CAPRIN1: variants seen among roughly 807,000 people sequenced by gnomAD.
CAPRIN1 encodes the protein caprin-1.
Under a neutral mutation model 100.9 loss-of-function variants are expected in CAPRIN1, and 29 were observed. The ratio of observed to expected loss-of-function variants is 0.29; its 90% CI spans 0.21 to 0.39. CAPRIN1 has a LOEUF of 0.39. Among genes scored for constraint, CAPRIN1 ranks in the 10% least tolerant of loss-of-function variants. CAPRIN1 has a pLI of 1.00. For missense variants in CAPRIN1, 795 were observed against 876.7 expected, an observed-to-expected ratio of 0.91 and a Z score of 1.18; for synonymous variants, 338 against 307.5, an observed-to-expected ratio of 1.10 and a Z score of -1.04.
intron 2 of CAPRIN1, among the ~76,000 whole-genome samples, chr11:34,059,691 C>T (rs1437022969): frequency 6.6e-6 from 1 of 152,144 alleles, no homozygotes; most frequent in Admixed American, 6.6e-5. Context: ...CAAATCATTA[C>T]ATAGAAATAT....
chr11:34,097,429 A>T (rs553809953), intron 17 of CAPRIN1, 133 bp downstream of exon 17: 4 of 790,604 alleles, frequency 5.1e-6, no homozygotes, highest in Non-Finnish European at 8.2e-6. Flanking sequence ...CTGTTGAAAC[A>T]AAAGCTTTTA....
chr11:34,056,986 T>C (rs568143735), intron 2 of CAPRIN1, among the ~76,000 whole-genome samples: 3 of 152,348 alleles, frequency 2.0e-5, no homozygotes, highest in South Asian at 2.1e-4. Flanking sequence ...AAAAGAATGC[T>C]GTTGTTGTGA....
At chr11:34,096,432 G>A (rs1185867601) in intron 15 of CAPRIN1, 47 bp from the exon 16 acceptor site, 3 of 1,420,194 alleles carry the variant, frequency 2.1e-6, no homozygotes, top group Non-Finnish European at 3.0e-6. Flanking sequence ...GAGAACAAAC[G>A]GTAATGAGCT....
chr11:34,065,624 G>C (rs1165305531), intron 2 of CAPRIN1, among the ~76,000 whole-genome samples: 1 of 152,230 alleles, frequency 6.6e-6, no homozygotes, highest in African/African-American at 2.4e-5. Flanking sequence ...ATATATAATA[G>C]TGAAACAAAG....
At chr11:34,072,970 T>TA (rs1462363281) in intron 4 of CAPRIN1, among the ~76,000 whole-genome samples, 6 of 152,322 alleles carry the variant, frequency 3.9e-5, no homozygotes, top group Non-Finnish European at 5.9e-5. Context: ...TAGGAGCTAA[T>TA]ATGCTATACC....
intron 7 of CAPRIN1, 140 bp downstream of exon 7, chr11:34,079,905 G>GTTTTTTTTTT (rs377455073): frequency 1.3e-5 from 4 of 316,642 alleles, no homozygotes; most frequent in African/African-American, 1.2e-4. Flanking sequence ...GCATGACAAA[G>GTTTTTTTTTT]TTTTTTTTTT....
At chr11:34,093,529 T>C (rs1851304477) in intron 15 of CAPRIN1, among the ~76,000 whole-genome samples, 1 of 152,246 alleles carries the variant, frequency 6.6e-6, no homozygotes, top group African/African-American at 2.4e-5. Flanking sequence ...AATTTTCTAA[T>C]TATTCAATTT....
chr11:34,084,845 A>C (rs929001317), intron 9 of CAPRIN1, among the ~76,000 whole-genome samples: 1 of 152,122 alleles, frequency 6.6e-6, no homozygotes, highest in Non-Finnish European at 1.5e-5. Flanking sequence ...AGTAGGAAGA[A>C]GTTGGGAAGC....
chr11:34,092,060 C>G lies in CAPRIN1; in HGVS notation c.1705+4C>G. 6.2e-7 allele frequency: 1 copy of G among 1,612,866 alleles called. No individual in the cohort carries two copies. The highest frequency in any genetic ancestry group is 8.5e-7 in the Non-Finnish European group (1 of 1,179,564). ...CAGCAAGAACAGCTTCAAACAGGTACGAAATCCAGTGTCACCTCATTGGCT... is the reference window on the plus strand; with the variant it reads ...CAGCAAGAACAGCTTCAAACAGGTAGGAAATCCAGTGTCACCTCATTGGCT... On this transcript the variant is annotated splice_donor_region_variant and intron_variant, in intron 15 of 18. Coordinates refer to ENST00000341394, the MANE Select transcript of CAPRIN1 (RefSeq NM_005898.5).
At chr11:34,054,253 A>G (rs1850400688) in intron 2 of CAPRIN1, among the ~76,000 whole-genome samples, 1 of 152,066 alleles carries the variant, frequency 6.6e-6, no homozygotes, top group Non-Finnish European at 1.5e-5. Context: ...TATTTTGATA[A>G]ATGTATGTTT....
chr11:34,079,649 T>C lies in CAPRIN1; in HGVS notation c.710T>C (p.Val237Ala), dbSNP rs750078636. 1 of 1,613,902 alleles carries C rather than the reference T, an allele frequency of 6.2e-7. No individual in the cohort carries two copies. The highest frequency in any genetic ancestry group is 1.7e-5 in the Admixed American group (1 of 59,980). Residue 237 changes from valine (V) to alanine (A), a missense_variant, in exon 7 of 19, where the codon GTT becomes GCT. By Grantham distance (64) the Val-to-Ala change is moderately conservative. This residue lies in a region of CAPRIN1 where 648 missense variants were observed against 697.9 expected (regional missense o/e 0.93). Coordinates refer to ENST00000341394, the MANE Select transcript of CAPRIN1 (RefSeq NM_005898.5). The stretch of plus-strand genomic sequence containing the variant: ...TTAGATAAAGTTCTAAAGGAAATTG[T>C]TGAGCGTGTTTTTCAGTCAAACTAC... ...GTTYKVLKEI[V>A]ERVFQSNYFD...
At chr11:34,081,405 G>A (rs971646887) in intron 7 of CAPRIN1, among the ~76,000 whole-genome samples, 3 of 151,966 alleles carry the variant, frequency 2.0e-5, no homozygotes, top group Admixed American at 6.6e-5. Context: ...CACCATGTTG[G>A]TCAGGCTGGT....
intron 3 of CAPRIN1, 44 bp downstream of exon 3, chr11:34,071,832 T>C: frequency 6.3e-7 from 1 of 1,587,356 alleles, no homozygotes; most frequent in Non-Finnish European, 8.6e-7. Flanking sequence ...TGCTCACTAT[T>C]TTAAAGACAA....
At chr11:34,098,855 A>T in intron 18 of CAPRIN1, 1 of 988,126 alleles carries the variant, frequency 1.0e-6, no homozygotes, top group African/African-American at 1.7e-5. Flanking sequence ...TTTAGGTAAT[A>T]AGGTCTGTTT....
intron 2 of CAPRIN1, among the ~76,000 whole-genome samples, chr11:34,064,754 T>A (rs1850652597): frequency 6.6e-6 from 1 of 152,258 alleles, no homozygotes; most frequent in South Asian, 2.1e-4. Context: ...GTTTTTTCTC[T>A]CTCACCTCTC....
At chr11:34,055,368 G>A (rs1850428271) in intron 2 of CAPRIN1, among the ~76,000 whole-genome samples, 1 of 152,276 alleles carries the variant, frequency 6.6e-6, no homozygotes, top group Non-Finnish European at 1.5e-5. Context: ...TGTCCGCCAG[G>A]CTGGAGTGCG....
At chr11:34,051,959 G>A in intron 1 of CAPRIN1, 88 bp downstream of exon 1, 1 of 152,226 alleles carries the variant, frequency 6.6e-6, no homozygotes, top group South Asian at 2.1e-4. Context: ...TGGAGCTTCC[G>A]AGGGGCTTGC....
chr11:34,090,188 G>T lies in CAPRIN1; in HGVS notation c.1303G>T (p.Val435Leu), dbSNP rs757428139. 1.1e-5 allele frequency: 17 copies of T among 1,607,406 alleles called. No individual in the cohort carries two copies. The highest frequency in any genetic ancestry group is 1.1e-5 in the South Asian group (1 of 90,782). ...VQPEATQVPL[V>L]SSTSEGYTAS... Reference sequence around the variant, plus strand: ...CTTTACTTATGTCTAGGTTCCTTTGGTATCATCCACAAGTGAGGGGTACAC... The same window carrying T: ...CTTTACTTATGTCTAGGTTCCTTTGTTATCATCCACAAGTGAGGGGTACAC... The change falls in exon 13 of 19, where the codon GTA becomes TTA. Residue 435 changes from valine to leucine, a missense_variant. By Grantham distance (32) the Val-to-Leu change is conservative. Transcript: ENST00000341394.
intron 2 of CAPRIN1, among the ~76,000 whole-genome samples, chr11:34,056,088 G>T (rs1188218370): frequency 1.3e-5 from 2 of 152,158 alleles, no homozygotes; most frequent in East Asian, 3.8e-4. Flanking sequence ...AATCAGTTTT[G>T]AATTCCTCTT....
Sources: gnomAD v4.1 joint callset for allele counts (sites outside exome capture counted in the v4.1 genomes callset) on GRCh38, gnomAD v4.1.1 for gene constraint, gnomAD v4.1.1 regional missense constraint, MANE v1.5 for transcripts, NCBI Gene and HGNC (gene_info 2026-07-23, HGNC 2026-07-21) for gene names.